Variants in ANKEF1 observed in about 807,000 individuals in gnomAD.
ANKEF1 encodes ankyrin repeat and EF-hand domain-containing protein 1.
Under a neutral mutation model 65.1 loss-of-function variants are expected in ANKEF1, and 43 were observed. That is an observed-to-expected ratio of 0.66 (90% confidence interval 0.52 to 0.85). The LOEUF (loss-of-function observed/expected upper bound fraction) is 0.85. Ranked by LOEUF, ANKEF1 falls within the 40% of genes least tolerant of loss-of-function variation. The probability of loss-of-function intolerance (pLI) is 0.00; values close to 1 mark genes in which losing one functional copy is unlikely to be tolerated. For synonymous variants in ANKEF1, 316 were observed against 341.5 expected (o/e 0.93, Z 0.82); for missense variants, 934 against 952.9 (o/e 0.98, Z 0.26).
rs185677088 is a variant in ANKEF1 at position 10,047,840 on chromosome 20, T to A, written c.821-1550T>A. 1.7e-4 allele frequency among the ~76,000 whole-genome samples: 26 copies of A among 152,328 alleles called. No homozygotes were observed. The East Asian group carries it at 4.8e-3, about 28-fold the overall frequency. ...GTCAAAACGACAGGAAAACTGCCTT[T>A]AGCTCTTTAAAGTGGGATGTTGGAG... On this transcript the variant is annotated intron_variant, in intron 6 of 10. Transcript: ENST00000378392.
At chr20:10,036,973 G>A (rs1240736261) in intron 2 of ANKEF1, among the ~76,000 whole-genome samples, 3 of 152,120 alleles carry the variant, frequency 2.0e-5, no homozygotes, top group African/African-American at 7.2e-5. Flanking sequence ...AGCCTGAGCA[G>A]GAGGGGGCAT....
chr20:10,053,361 G>A (rs1256827532), intron 9 of ANKEF1, 86 bp downstream of exon 9: 3 of 1,206,962 alleles, frequency 2.5e-6, no homozygotes, highest in Non-Finnish European at 3.5e-6. Context: ...TTTACATATT[G>A]TTATACAACA....
intron 10 of ANKEF1, among the ~76,000 whole-genome samples, chr20:10,055,007 C>T (rs540976132): frequency 1.9e-4 from 29 of 152,188 alleles, no homozygotes; most frequent in South Asian, 6.2e-4. Flanking sequence ...CAGTAGCTTC[C>T]GAAAACCTCC....
rs1983999090 is a variant in ANKEF1, at chr20:10,038,560, A to C, written c.259A>C (p.Arg87=). The change falls in exon 3 of 11, where the codon AGG becomes CGG. Residue 87 remains arginine, a synonymous_variant. Coordinates refer to ENST00000378392, the MANE Select transcript of ANKEF1 (RefSeq NM_022096.6). The part of the protein sequence containing the change: ...QDRMGCTPTM[R]AAELGHELSM... ...CCGAATGGGCTGTACTCCCACAATGAGGGCTGCAGAACTGGGCCATGAATT... is the reference window on the plus strand; with the variant it reads ...CCGAATGGGCTGTACTCCCACAATGCGGGCTGCAGAACTGGGCCATGAATT... The C allele has an allele frequency of 3.7e-6, 6 of 1,614,104 alleles. No individual in the cohort carries two copies. In the Admixed American group the frequency reaches 1.0e-4, roughly 27 times the overall value.
Position 10,057,154 on chromosome 20 carries a change from T to C in ANKEF1, c.*1494T>C, listed in dbSNP as rs1178590196. 1.3e-5 allele frequency: 2 copies of C among 152,200 alleles called. No homozygotes were observed. The highest frequency in any genetic ancestry group is 4.8e-5 in the African/African-American group (2 of 41,450). 9.4% of individuals were successfully genotyped at this position (152,200 alleles called of 1,614,324 possible). Reference sequence around the variant, plus strand: ...AGATTACAGCTCTGTCAGTCACGTATGGATTAAACCCCTTTCCTCTAACCT... The same window carrying C: ...AGATTACAGCTCTGTCAGTCACGTACGGATTAAACCCCTTTCCTCTAACCT... On this transcript the variant is annotated 3_prime_UTR_variant, in exon 11 of 11. Coordinates refer to ENST00000378392, the MANE Select transcript of ANKEF1 (RefSeq NM_022096.6).
chr20:10,039,593 A>G (rs1366809769), intron 3 of ANKEF1, among the ~76,000 whole-genome samples: 2 of 152,242 alleles, frequency 1.3e-5, no homozygotes, highest in African/African-American at 4.8e-5. Flanking sequence ...AAGAAAATAA[A>G]CTTCAGATGC....
At chr20:10,044,611 T>C in intron 5 of ANKEF1, 68 bp downstream of exon 5, 1 of 1,561,752 alleles carries the variant, frequency 6.4e-7, no homozygotes, top group Non-Finnish European at 8.7e-7. Flanking sequence ...CAAATTTTTT[T>C]ATATGTCATA....
chr20:10,047,287 T>TGCTATTTC (rs2122248402), intron 6 of ANKEF1, among the ~76,000 whole-genome samples: 1 of 152,354 alleles, frequency 6.6e-6, no homozygotes, highest in Admixed American at 6.5e-5. Context: ...GAGACTATTT[T>TGCTATTTC]AAAGCAAATG....
At chr20:10,054,440 A>T (rs1985032329) in intron 9 of ANKEF1, 22 bp from the exon 10 acceptor site, 2 of 1,515,962 alleles carry the variant, frequency 1.3e-6, no homozygotes, top group South Asian at 1.3e-5. Flanking sequence ...ACAATTTATA[A>T]TTTTTTTGTT....
rs1984774740 is a variant in ANKEF1 at position 10,050,224 on chromosome 20, C to T, written c.1643+12C>T. ...CTTCTTGAAAAAGGGTACGCGTCTC[C>T]GTCGGGTGTGGCCTAAATTTTCACG... On this transcript the variant is annotated intron_variant, in intron 7 of 10. Transcript: ENST00000378392. 3.2e-6 allele frequency: 5 copies of T among 1,575,754 alleles called. No individual in the cohort carries two copies. The highest frequency in any genetic ancestry group is 1.4e-5 in the African/African-American group (1 of 73,334).
Position 10,038,320 on chromosome 20 carries a change from A to T in ANKEF1, c.19A>T (p.Arg7Ter). 1 of 1,565,416 alleles carries T rather than the reference A, an allele frequency of 6.4e-7. No individual in the cohort carries two copies. The highest frequency in any genetic ancestry group is 1.2e-5 in the South Asian group (1 of 82,734). Residue 7 changes from arginine to a stop codon, truncating the protein, a stop_gained, in exon 3 of 11, where the codon AGA (arginine) becomes TGA (stop). Transcript: ENST00000378392. LOFTEE classifies it high-confidence loss of function. MALADKRLENLQIYKVL... is the reference protein window; with the variant it reads MALADK ...GTCAAGCATGGCTTTAGCAGATAAG[A>T]GACTTGAGAACTTACAGATCTACAA...
intron 10 of ANKEF1, 23 bp downstream of exon 10, chr20:10,054,622 C>T (rs1347108073): frequency 1.9e-6 from 3 of 1,599,398 alleles, no homozygotes; most frequent in Admixed American, 1.8e-5. Context: ...AAAAGATCTT[C>T]ATAGCATGGT....
Position 10,043,213 on chromosome 20 carries a change from C to T in ANKEF1, c.438C>T (p.Thr146=). The change falls in exon 4 of 11, where the codon ACC becomes ACT. Residue 146 remains threonine (T), a synonymous_variant. Transcript: ENST00000378392. ...ATGGTGCAGATGTCAACAATTCTAC[C>T]TATGAAGGAAAGCCAATATTCCTTA... The part of the protein sequence containing the change: ...LEHGADVNNS[T]YEGKPIFLRA... 1 of 1,614,112 alleles carries T rather than the reference C, an allele frequency of 6.2e-7. No individual in the cohort carries two copies. Among genetic ancestry groups the T allele is most frequent in the Non-Finnish European group, 8.5e-7 (1 of 1,180,014 alleles).
At chr20:10,048,113 C>T (rs1984623846) in intron 6 of ANKEF1, among the ~76,000 whole-genome samples, 1 of 152,120 alleles carries the variant, frequency 6.6e-6, no homozygotes, top group African/African-American at 2.4e-5. Context: ...ACTATAGAGT[C>T]ACTGTTCTTA....
intron 3 of ANKEF1, among the ~76,000 whole-genome samples, chr20:10,042,581 A>G (rs940020339): frequency 1.3e-5 from 2 of 152,102 alleles, no homozygotes; most frequent in African/African-American, 2.4e-5. Flanking sequence ...CCTTTCTCCA[A>G]CGGAACAAAA....
At chr20:10,048,107 T>C (rs1051803337) in intron 6 of ANKEF1, among the ~76,000 whole-genome samples, 1 of 152,200 alleles carries the variant, frequency 6.6e-6, no homozygotes, top group Admixed American at 6.5e-5. Flanking sequence ...AATTACACTA[T>C]AGAGTCACTG....
intron 3 of ANKEF1, among the ~76,000 whole-genome samples, chr20:10,040,964 T>C (rs976002624): frequency 2.0e-5 from 3 of 152,122 alleles, no homozygotes; most frequent in Non-Finnish European, 4.4e-5. Flanking sequence ...CTTTTCTTTT[T>C]TTTTTTAACT....
In ANKEF1 at chr20:10,038,572, C is replaced by T; in HGVS notation, c.271C>T (p.Leu91=). ...TACTCCCACAATGAGGGCTGCAGAA[C>T]TGGGCCATGAATTGTCAATGGAAAT... ...GCTPTMRAAE[L]GHELSMEILA... Residue 91 remains leucine, a synonymous_variant, in exon 3 of 11, where the codon CTG becomes TTG. Coordinates refer to ENST00000378392, the MANE Select transcript of ANKEF1 (RefSeq NM_022096.6). 6.2e-7 allele frequency: 1 copy of T among 1,614,202 alleles called. No homozygotes were observed. The highest frequency in any genetic ancestry group is 1.3e-5 in the African/African-American group (1 of 75,060).
intron 4 of ANKEF1, among the ~76,000 whole-genome samples, chr20:10,044,110 TTTA>T (rs1240187984): frequency 8.5e-5 from 13 of 152,200 alleles, no homozygotes; most frequent in Admixed American, 7.2e-4. Context: ...TTTCTCCCTT[TTTA>T]TTCTGCTCTA....
Sources: gnomAD v4.1 joint callset for allele counts (sites outside exome capture counted in the v4.1 genomes callset) on GRCh38, gnomAD v4.1.1 for gene constraint, MANE v1.5 for transcripts, NCBI Gene and HGNC (gene_info 2026-07-23, HGNC 2026-07-21) for gene names.